Variants in WDR64 observed in about 807,000 individuals in gnomAD.
WDR64 encodes the protein WD repeat domain 64.
A neutral mutation model predicts 139.3 loss-of-function variants in WDR64; 112 were observed. That is an observed-to-expected ratio of 0.80 (90% CI 0.69 to 0.94). The LOEUF is 0.94. Ranked by LOEUF, WDR64 falls within the 40% of genes least tolerant of loss-of-function variation. The probability of loss-of-function intolerance (pLI) is 0.00; values close to 1 mark genes in which losing one functional copy is unlikely to be tolerated. For missense variants in WDR64, 1,206 were observed against 1,293.1 expected (o/e 0.93, Z 1.03); for synonymous variants, 444 against 437.7 (o/e 1.01, Z -0.18).
chr1:241,771,820 T>C (rs1558518378), intron 19 of WDR64, 123 bp downstream of exon 19: 2 of 369,350 alleles, frequency 5.4e-6, no homozygotes, highest in Non-Finnish European at 8.8e-6. Context: ...TTATATATAT[T>C]CATATACATT....
chr1:241,733,561 A>G (rs1227714826), intron 10 of WDR64, among the ~76,000 whole-genome samples: 1 of 151,662 alleles, frequency 6.6e-6, no homozygotes, highest in Admixed American at 6.6e-5. Flanking sequence ...AAATAATTTC[A>G]GTTTATATGC....
intron 23 of WDR64, among the ~76,000 whole-genome samples, chr1:241,784,315 G>T (rs1300563336): frequency 6.6e-6 from 1 of 152,186 alleles, no homozygotes; most frequent in East Asian, 1.9e-4. Context: ...AAAAGTGGGA[G>T]CAAAGAGACC....
intron 2 of WDR64, among the ~76,000 whole-genome samples, chr1:241,670,654 G>T (rs1666190269): frequency 6.6e-6 from 1 of 152,192 alleles, no homozygotes. Flanking sequence ...AGCAGGAGGT[G>T]ATCAGTGGGG....
intron 8 of WDR64, among the ~76,000 whole-genome samples, chr1:241,705,036 G>A (rs1284419317): frequency 3.3e-5 from 5 of 152,120 alleles, no homozygotes; most frequent in East Asian, 1.9e-4. Flanking sequence ...CGGTTGGGGC[G>A]AGAGCTTCTG....
chr1:241,762,581 C>T (rs1212211688), intron 15 of WDR64, among the ~76,000 whole-genome samples: 1 of 152,008 alleles, frequency 6.6e-6, no homozygotes, highest in African/African-American at 2.4e-5. Flanking sequence ...TATTATAGTA[C>T]TCTAATCAAA....
chr1:241,760,488 G>T (rs1172011734), intron 15 of WDR64, among the ~76,000 whole-genome samples: 1 of 150,808 alleles, frequency 6.6e-6, no homozygotes, highest in Non-Finnish European at 1.5e-5. Context: ...CTAATAAGAA[G>T]CTGGAAAAAA....
chr1:241,766,434 G>T, intron 16 of WDR64, 83 bp downstream of exon 16: 1 of 1,473,690 alleles, frequency 6.8e-7, no homozygotes. Flanking sequence ...GGAAGGGCTG[G>T]GCGCGGTGGC....
rs1669677168 is a variant in WDR64 at position 241,744,514 on chromosome 1, A to G, written c.1592A>G (p.Asn531Ser). 1.2e-6 allele frequency: 2 copies of G among 1,613,836 alleles called. No homozygotes were observed. The highest frequency in any genetic ancestry group is 2.2e-5 in the East Asian group (1 of 44,884). ...SGFLFATGAY[N>S]GTVRIWDFGS... ...TTTCTTTTTGCCACAGGAGCGTATA[A>G]TGGTCAGACTAACATCCAGAATGTG... The change falls in exon 13 of 28, where the codon AAT (asparagine) becomes AGT (serine). Residue 531 changes from asparagine (N) to serine (S), a missense_variant and splice_region_variant. Transcript: ENST00000437684.
intron 13 of WDR64, among the ~76,000 whole-genome samples, chr1:241,745,684 C>T (rs1669730666): frequency 6.6e-6 from 1 of 152,096 alleles, no homozygotes; most frequent in South Asian, 2.1e-4. Flanking sequence ...GTCCTGGCTT[C>T]AAGTGATCCT....
chr1:241,760,464 A>G (rs1332272310), intron 15 of WDR64, among the ~76,000 whole-genome samples: 1 of 146,432 alleles, frequency 6.8e-6, no homozygotes, highest in African/African-American at 2.5e-5. Context: ...AAGGCCATAC[A>G]CAAAATGAAA....
chr1:241,689,012 A>C (rs1415729724), intron 8 of WDR64, among the ~76,000 whole-genome samples: 4 of 152,124 alleles, frequency 2.6e-5, no homozygotes, highest in Admixed American at 2.0e-4. Context: ...AGCTATTGGA[A>C]CTTTGTCAGG....
At chr1:241,684,692 A>G (rs898420863) in intron 7 of WDR64, among the ~76,000 whole-genome samples, 3 of 152,210 alleles carry the variant, frequency 2.0e-5, no homozygotes, top group South Asian at 2.1e-4. Flanking sequence ...ATAACCATTA[A>G]TACATTGGGA....
chr1:241,727,410 G>A (rs1668887263), intron 10 of WDR64, among the ~76,000 whole-genome samples: 1 of 152,126 alleles, frequency 6.6e-6, no homozygotes, highest in Non-Finnish European at 1.5e-5. Flanking sequence ...GTATTAAGAT[G>A]ATACTCATTC....
In WDR64 at chr1:241,709,513, T is replaced by C. The variant is rs58511720; in HGVS notation, c.975-2289T>C. On this transcript the variant is annotated intron_variant, in intron 8 of 27. Transcript: ENST00000437684. ...ACTATGGTTCCAGCTACTTGGGAGG[T>C]TGAGGCAGGAGGATCGCTTGAGTCC... Among the ~76,000 whole-genome samples, 1,178 of 151,956 alleles carry C rather than the reference T, an allele frequency of 7.8e-3. 15 individuals are homozygous for C. The highest frequency in any genetic ancestry group is 0.026 in the African/African-American group (1,098 of 41,434).
At chr1:241,706,598 T>C (rs1667962787) in intron 8 of WDR64, among the ~76,000 whole-genome samples, 1 of 152,242 alleles carries the variant, frequency 6.6e-6, no homozygotes, top group Non-Finnish European at 1.5e-5. Flanking sequence ...TTATGAACTT[T>C]GCATTTGATA....
chr1:241,764,704 T>C (rs1658076255), intron 15 of WDR64, among the ~76,000 whole-genome samples: 1 of 151,938 alleles, frequency 6.6e-6, no homozygotes, highest in Admixed American at 6.6e-5. Flanking sequence ...TATAAGGTCA[T>C]GACAATGGAG....
chr1:241,778,242 T>C (rs1260201274), intron 21 of WDR64, among the ~76,000 whole-genome samples: 1 of 152,200 alleles, frequency 6.6e-6, no homozygotes, highest in African/African-American at 2.4e-5. Context: ...CTTTTATCAT[T>C]AGGTAATGCC....
At chr1:241,720,176 AC>A (rs1372708974) in intron 9 of WDR64, among the ~76,000 whole-genome samples, 2 of 152,094 alleles carry the variant, frequency 1.3e-5, no homozygotes, top group Non-Finnish European at 2.9e-5. Flanking sequence ...GTGTATATGT[AC>A]CATATTTTCT....
At position 241,679,504 on chromosome 1, in the gene WDR64, G is replaced by A; in HGVS notation, c.533G>A (p.Gly178Glu). 6.4e-7 allele frequency: 1 copy of A among 1,551,888 alleles called. No individual in the cohort carries two copies. Among genetic ancestry groups the A allele is most frequent in the Non-Finnish European group, 8.7e-7 (1 of 1,146,944 alleles). ...TATCAGGACACCTCCTGGATTACAG[G>A]GTGTGATTACCTCTTGCAGCTGAAA... ...TNVTDTSWIT[G>E]CDYLLQLKRI... Residue 178 changes from glycine to glutamate, a missense_variant, in exon 6 of 28, where the codon GGG becomes GAG. Gly to Glu is a moderately conservative substitution (Grantham distance 98). Transcript: ENST00000437684.
Sources: allele counts gnomAD v4.1 joint callset (sites outside exome capture counted in the v4.1 genomes callset), GRCh38; gene constraint gnomAD v4.1.1; transcripts MANE v1.5; gene names NCBI Gene and HGNC (gene_info 2026-07-23, HGNC 2026-07-21).